Variants in TRAK1 observed in about 807,000 individuals in gnomAD.
TRAK1 encodes trafficking kinesin-binding protein 1.
Under a neutral mutation model 92.1 loss-of-function variants are expected in TRAK1, and 33 were observed. That is an observed-to-expected ratio of 0.36 (90% CI 0.27 to 0.48). TRAK1 has a LOEUF of 0.48. Ranked by LOEUF, TRAK1 falls within the 20% of genes least tolerant of loss-of-function variation. The pLI is 0.99. For missense variants in TRAK1, 1,123 were observed against 1,257.9 expected, an observed-to-expected ratio of 0.89 and a Z score of 1.62; for synonymous variants, 521 against 517.3, an observed-to-expected ratio of 1.01 and a Z score of -0.10.
chr3:42,139,125 A>T (rs1698353498), intron 2 of TRAK1, among the ~76,000 whole-genome samples: 1 of 152,174 alleles, frequency 6.6e-6, no homozygotes, highest in Non-Finnish European at 1.5e-5. Flanking sequence ...TGTATACATT[A>T]TAATGTATTT....
chr3:42,102,625 T>G (rs1189316235), intron 1 of TRAK1, among the ~76,000 whole-genome samples: 5 of 152,208 alleles, frequency 3.3e-5, no homozygotes, highest in Admixed American at 3.3e-4. Flanking sequence ...AGGGCTTCTC[T>G]GTCTGCTGAT....
At chr3:42,163,961 A>G (rs1701579442) in intron 2 of TRAK1, among the ~76,000 whole-genome samples, 2 of 152,256 alleles carry the variant, frequency 1.3e-5, no homozygotes, top group South Asian at 4.1e-4. Context: ...TTGTAAAATG[A>G]AACAAACTCA....
At chr3:42,204,061 C>T in intron 13 of TRAK1, 1 of 985,090 alleles carries the variant, frequency 1.0e-6, no homozygotes, top group South Asian at 4.7e-5. Flanking sequence ...TAATTGGGGT[C>T]TTTCTTAGAG....
chr3:42,096,555 A>C (rs565439988), intron 1 of TRAK1, among the ~76,000 whole-genome samples: 25 of 152,372 alleles, frequency 1.6e-4, no homozygotes, highest in African/African-American at 5.8e-4. Flanking sequence ...CGCATGGCCA[A>C]ACACATAATT....
intron 15 of TRAK1, 139 bp downstream of exon 15, chr3:42,219,735 A>G (rs1710127951): frequency 1.3e-6 from 1 of 748,976 alleles, no homozygotes. Flanking sequence ...GCATCTCAGC[A>G]TTTGCAGGCA....
chr3:42,138,986 T>G (rs1698337386), intron 2 of TRAK1, among the ~76,000 whole-genome samples: 1 of 149,124 alleles, frequency 6.7e-6, no homozygotes, highest in African/African-American at 2.5e-5. Flanking sequence ...GTGTGCGTGG[T>G]GAGGCAGGGT....
chr3:42,169,396 A>G lies in TRAK1; in HGVS notation c.287-7418A>G, dbSNP rs892481667. Among the ~76,000 whole-genome samples, 9 of 152,166 alleles carry G rather than the reference A, an allele frequency of 5.9e-5. 1 individual carries two copies. Among genetic ancestry groups the G allele is most frequent in the African/African-American group, 2.2e-4 (9 of 41,430 alleles). ...TTTGGCTATAATGAATGATGCTGCTATGAATGCTTATATACATATGTTTAT... is the reference window on the plus strand; with the variant it reads ...TTTGGCTATAATGAATGATGCTGCTGTGAATGCTTATATACATATGTTTAT... On this transcript the variant is annotated intron_variant, in intron 2 of 15. Transcript: ENST00000327628.
chr3:42,125,563 G>A lies in TRAK1; in HGVS notation c.235G>A (p.Ala79Thr). ...WLHTPLISPDANIDLTTEQIE... is the reference protein window; with the variant it reads ...WLHTPLISPDTNIDLTTEQIE... ...CCATACACCTCTCATTTCTCCAGAT[G>A]CCAACATTGACCTCACAACCGAGCA... Residue 79 changes from alanine (A) to threonine (T), a missense_variant, in exon 2 of 16, where the codon GCC (alanine) becomes ACC (threonine). Ala to Thr is a moderately conservative substitution (Grantham distance 58). Around this residue, in one of 3 missense-constraint regions of TRAK1, gnomAD observed 686 missense variants for 747.6 expected, o/e 0.92. Coordinates refer to ENST00000327628, the MANE Select transcript of TRAK1 (RefSeq NM_001042646.3). 1 of 1,614,196 alleles carries A rather than the reference G, an allele frequency of 6.2e-7. No homozygotes were observed. Among genetic ancestry groups the A allele is most frequent in the Non-Finnish European group, 8.5e-7 (1 of 1,180,028 alleles).
chr3:42,134,176 C>T (rs1176738564), intron 2 of TRAK1, among the ~76,000 whole-genome samples: 1 of 137,700 alleles, frequency 7.3e-6, no homozygotes, highest in Admixed American at 7.3e-5. Context: ...CCTTCCCCTT[C>T]CTCTTCCCCT....
intron 1 of TRAK1, among the ~76,000 whole-genome samples, chr3:42,111,111 G>C (rs1247120726): frequency 6.6e-6 from 1 of 152,164 alleles, no homozygotes; most frequent in Non-Finnish European, 1.5e-5. Context: ...GAGGGCAAAG[G>C]GGTGGTTGGC....
At chr3:42,110,094 GTATATATATATATA>G (rs375315730) in intron 1 of TRAK1, among the ~76,000 whole-genome samples, 1,071 of 83,236 alleles carry the variant, frequency 0.013, 93 homozygotes, top group African/African-American at 0.052. Context: ...AGAACTTAAA[GTATATATATATATA>G]TATATATATA....
At chr3:42,205,722 T>A (rs1708252413) in intron 13 of TRAK1, among the ~76,000 whole-genome samples, 1 of 152,254 alleles carries the variant, frequency 6.6e-6, no homozygotes, top group Admixed American at 6.5e-5. Context: ...CATTCTAGTA[T>A]CTAAGCCCTG....
intron 5 of TRAK1, among the ~76,000 whole-genome samples, chr3:42,188,770 A>G (rs1357408828): frequency 2.6e-5 from 4 of 152,244 alleles, no homozygotes; most frequent in Admixed American, 2.6e-4. Flanking sequence ...GGAATTGTGT[A>G]GGCTTTAAAC....
intron 15 of TRAK1, chr3:42,220,673 G>A (rs1043337022): frequency 2.7e-4 from 243 of 889,332 alleles, no homozygotes; most frequent in Middle Eastern, 5.8e-4. Context: ...CCACTAACCC[G>A]GGGACTTAGG....
chr3:42,108,864 A>G (rs1391608111), intron 1 of TRAK1, among the ~76,000 whole-genome samples: 2 of 152,200 alleles, frequency 1.3e-5, no homozygotes, highest in African/African-American at 4.8e-5. Context: ...AGAATGGGTC[A>G]AAAAGTGAAG....
chr3:42,218,167 C>G, intron 14 of TRAK1: 1 of 985,382 alleles, frequency 1.0e-6, no homozygotes, highest in Non-Finnish European at 1.2e-6. Context: ...TACCTTTAAT[C>G]TGTGTCTCCA....
chr3:42,192,048 C>T (rs1268528887), intron 7 of TRAK1, among the ~76,000 whole-genome samples: 4 of 151,760 alleles, frequency 2.6e-5, no homozygotes, highest in Non-Finnish European at 5.9e-5. Flanking sequence ...ATTACAGGCA[C>T]CCACCATCAT....
intron 1 of TRAK1, among the ~76,000 whole-genome samples, chr3:42,097,234 A>G (rs1004377019): frequency 6.6e-6 from 1 of 152,252 alleles, no homozygotes; most frequent in Admixed American, 6.5e-5. Flanking sequence ...ATTGTAAGAC[A>G]AGTAGATTGT....
At chr3:42,126,663 C>T (rs1437613059) in intron 2 of TRAK1, among the ~76,000 whole-genome samples, 1 of 152,116 alleles carries the variant, frequency 6.6e-6, no homozygotes, top group East Asian at 1.9e-4. Flanking sequence ...GTATAGCAAT[C>T]CTCCTACCTG....
Sources: allele counts gnomAD v4.1 joint callset (sites outside exome capture counted in the v4.1 genomes callset), GRCh38; gene constraint gnomAD v4.1.1; regional missense constraint gnomAD v4.1.1; transcripts MANE v1.5; gene names NCBI Gene and HGNC (gene_info 2026-07-23, HGNC 2026-07-21).